The following ANO3 variants were observed in gnomAD, a reference collection of about 807,000 sequenced individuals.
The protein encoded by ANO3 is anoctamin-3.
Under a neutral mutation model 144.8 loss-of-function variants are expected in ANO3, and 99 were observed. That is an observed-to-expected ratio of 0.68 (90% confidence interval 0.58 to 0.81). ANO3 has a LOEUF of 0.81. Ranked by LOEUF, ANO3 falls within the 30% of genes least tolerant of loss-of-function variation. ANO3 has a pLI of 0.00. For synonymous variants in ANO3, 414 were observed against 392.6 expected (o/e 1.05, Z -0.64); for missense variants, 905 against 1,202.2 (o/e 0.75, Z 3.66).
At chr11:26,569,367 T>C (rs1204916413) in intron 14 of ANO3, among the ~76,000 whole-genome samples, 1 of 152,128 alleles carries the variant, frequency 6.6e-6, no homozygotes, top group African/African-American at 2.4e-5. Flanking sequence ...CAGAAATTTA[T>C]ACACTACAGA....
At position 26,615,414 on chromosome 11, in the gene ANO3, A is replaced by ATATATATTTTT. The variant is rs1352935016; in HGVS notation, c.1837-9047_1837-9046insATATATTTTTT. ...TCAGTTTATATATATATATATATATATTTTTTTTTTTTCAGTTCCTCAATG... is the reference window on the plus strand; with the variant it reads ...TCAGTTTATATATATATATATATATATATATATTTTTTTTTTTTTTTTTCAGTTCCTCAATG... On this transcript the variant is annotated intron_variant, in intron 17 of 26. Coordinates refer to ENST00000256737, the MANE Select transcript of ANO3 (RefSeq NM_031418.4). 8.3e-4 allele frequency among the ~76,000 whole-genome samples: 109 copies of ATATATATTTTT among 130,664 alleles called. 1 individual carries two copies. The highest frequency in any genetic ancestry group is 3.1e-3 in the African/African-American group (105 of 33,552). The allele number at this position is 130,664 out of a possible 152,430, so 85.7% of individuals were successfully genotyped here.
In ANO3 at chr11:26,531,210, A is replaced by C. The variant is rs1381117686; in HGVS notation, c.743A>C (p.Gln248Pro). ...CAAATGTGACTTCATTCCAGGATGC[A>C]AACTTATTTTAGAAGAATCAAAAAC... is the stretch of plus-strand genomic sequence containing the variant. The part of the protein sequence containing the change: ...DGRSKSMGRM[Q>P]TYFRRIKNWM... The change falls in exon 8 of 27, where the codon CAA becomes CCA. Residue 248 changes from glutamine to proline, a missense_variant. By Grantham distance (76) the Gln-to-Pro change is moderately conservative. Transcript: ENST00000256737. The C allele has an allele frequency of 4.0e-5, 64 of 1,613,878 alleles. No homozygotes were observed. The highest frequency in any genetic ancestry group is 5.3e-5 in the Non-Finnish European group (63 of 1,179,986).
At chr11:26,194,752 G>A (rs1851551236) in intron 1 of ANO3, among the ~76,000 whole-genome samples, 1 of 151,964 alleles carries the variant, frequency 6.6e-6, no homozygotes, top group Non-Finnish European at 1.5e-5. Context: ...TTTTAGTAGA[G>A]ATGGGATTTC....
At chr11:26,218,314 T>C (rs1332629265) in intron 1 of ANO3, among the ~76,000 whole-genome samples, 5 of 151,778 alleles carry the variant, frequency 3.3e-5, no homozygotes, top group Non-Finnish European at 5.9e-5. Context: ...AAAATGTCCT[T>C]TTCCTGGAGC....
At chr11:26,314,683 G>A (rs962838877) in intron 1 of ANO3, among the ~76,000 whole-genome samples, 23 of 152,292 alleles carry the variant, frequency 1.5e-4, no homozygotes, top group Admixed American at 1.1e-3. Context: ...GTTGGGCAAA[G>A]ATGTTGGTCC....
intron 1 of ANO3, among the ~76,000 whole-genome samples, chr11:26,213,621 T>A (rs2133785268): frequency 6.6e-6 from 1 of 152,122 alleles, no homozygotes; most frequent in African/African-American, 2.4e-5. Flanking sequence ...CTCAAGGAAA[T>A]AAGAGAGGAC....
chr11:26,438,603 A>AG (rs1858383389), intron 1 of ANO3, among the ~76,000 whole-genome samples: 1 of 126,590 alleles, frequency 7.9e-6, no homozygotes, highest in African/African-American at 2.7e-5. Context: ...AAAAAAAAAA[A>AG]AAAAAGAAAA....
intron 1 of ANO3, among the ~76,000 whole-genome samples, chr11:26,272,403 A>ATT: frequency 6.6e-6 from 1 of 152,340 alleles, no homozygotes; most frequent in South Asian, 2.1e-4. Flanking sequence ...CCCAGCAGGC[A>ATT]TGACAACTTT....
intron 8 of ANO3, 80 bp from the exon 9 acceptor site, chr11:26,534,376 T>A: frequency 3.4e-6 from 3 of 888,262 alleles, no homozygotes; most frequent in Non-Finnish European, 3.6e-6. Flanking sequence ...TTCATATGCA[T>A]TAGCTTTAAT....
At chr11:26,622,739 A>G (rs1457720855) in intron 17 of ANO3, among the ~76,000 whole-genome samples, 1 of 152,252 alleles carries the variant, frequency 6.6e-6, no homozygotes, top group Non-Finnish European at 1.5e-5. Flanking sequence ...AAGGTGCCTG[A>G]CATTCCACAA....
intron 23 of ANO3, among the ~76,000 whole-genome samples, chr11:26,643,829 G>T (rs753360848): frequency 1.3e-5 from 2 of 152,044 alleles, no homozygotes; most frequent in Non-Finnish European, 2.9e-5. Flanking sequence ...CCACTTCCCC[G>T]TGGTGTGAGG....
At chr11:26,539,043 A>G (rs112920291) in intron 10 of ANO3, among the ~76,000 whole-genome samples, 19 of 151,952 alleles carry the variant, frequency 1.3e-4, no homozygotes, top group African/African-American at 4.3e-4. Flanking sequence ...TTTGTTTTTT[A>G]CTTACAAAAA....
chr11:26,384,558 T>C (rs1419788525), intron 1 of ANO3, among the ~76,000 whole-genome samples: 1 of 152,192 alleles, frequency 6.6e-6, no homozygotes, highest in Non-Finnish European at 1.5e-5. Flanking sequence ...GGCCCAATTC[T>C]CATGTTTCCT....
intron 14 of ANO3, among the ~76,000 whole-genome samples, chr11:26,597,092 A>C (rs1424212033): frequency 6.6e-6 from 1 of 152,184 alleles, no homozygotes; most frequent in Non-Finnish European, 1.5e-5. Context: ...ACAGAATAGC[A>C]AGTGAAAGTG....
Position 26,582,819 on chromosome 11 carries a change from G to A in ANO3, c.1448-15546G>A, listed in dbSNP as rs141609177. ...ATTTCAGAAGTAAATAAGACAAGGTGCTTACTCCTGTTATTTTTGTTGATG... is the reference window on the plus strand; with the variant it reads ...ATTTCAGAAGTAAATAAGACAAGGTACTTACTCCTGTTATTTTTGTTGATG... On this transcript the variant is annotated intron_variant, in intron 14 of 26. Transcript: ENST00000256737. 6.9e-3 allele frequency among the ~76,000 whole-genome samples: 1,045 copies of A among 152,242 alleles called. 6 individuals carry two copies. The highest frequency in any genetic ancestry group is 0.02 in the Middle Eastern group (6 of 294).
intron 1 of ANO3, among the ~76,000 whole-genome samples, chr11:26,367,868 G>T (rs556067307): frequency 6.6e-6 from 1 of 152,294 alleles, no homozygotes; most frequent in South Asian, 2.1e-4. Context: ...AGTGGGGCAG[G>T]TGGAAGCACC....
At chr11:26,611,179 CT>C (rs2132965901) in intron 17 of ANO3, among the ~76,000 whole-genome samples, 1 of 152,002 alleles carries the variant, frequency 6.6e-6, no homozygotes, top group African/African-American at 2.4e-5. Flanking sequence ...TTTCGTTTGT[CT>C]TTTTTTCCTA....
At chr11:26,271,837 A>G (rs1471454716) in intron 1 of ANO3, among the ~76,000 whole-genome samples, 1 of 152,024 alleles carries the variant, frequency 6.6e-6, no homozygotes, top group East Asian at 1.9e-4. Flanking sequence ...TGACTTGGGT[A>G]TTTCATTAAG....
At chr11:26,627,843 G>GTGTATA (rs1565152011) in intron 18 of ANO3, among the ~76,000 whole-genome samples, 1 of 139,970 alleles carries the variant, frequency 7.1e-6, no homozygotes, top group Non-Finnish European at 1.5e-5. Context: ...GTGTGTGTGT[G>GTGTATA]TGTGTGTGTG....
Sources: gnomAD v4.1 joint callset for allele counts (sites outside exome capture counted in the v4.1 genomes callset) on GRCh38, gnomAD v4.1.1 for gene constraint, MANE v1.5 for transcripts, NCBI Gene and HGNC (gene_info 2026-07-23, HGNC 2026-07-21) for gene names.